The following NUP205 variants were observed in gnomAD, a reference collection of about 807,000 sequenced individuals.
The protein encoded by NUP205 is nuclear pore complex protein Nup205.
Under a neutral mutation model 253.8 loss-of-function variants are expected in NUP205, and 76 were observed. That is an observed-to-expected ratio of 0.30 (90% CI 0.25 to 0.36). NUP205 has a LOEUF of 0.36. Ranked by LOEUF, NUP205 falls within the 10% of genes least tolerant of loss-of-function variation. NUP205 has a pLI of 1.00. For synonymous variants in NUP205, 832 were observed against 850.1 expected (o/e 0.98, Z 0.37); for missense variants, 2,162 against 2,425.5 (o/e 0.89, Z 2.28).
Position 135,636,683 on chromosome 7 carries a change from A to T in NUP205, c.5136+1026A>T, listed in dbSNP as rs1333591462. On this transcript the variant is annotated intron_variant, in intron 36 of 42. Coordinates refer to ENST00000285968, the MANE Select transcript of NUP205 (RefSeq NM_015135.3). ...TATTTTGGCAAAATAAGTTTATATT[A>T]TAGTCTCATTAATATGTTTTGCCTT... Among the ~76,000 whole-genome samples, 3 of 152,108 alleles carry T rather than the reference A, an allele frequency of 2.0e-5. No individual in the cohort carries two copies. In the East Asian group the frequency reaches 5.8e-4, roughly 30 times the overall value.
chr7:135,577,127 A>G lies in NUP205; in HGVS notation c.647A>G (p.Glu216Gly). ...RGLGSEKHRK[E>G]VSDLIKECRQ... ...TTGGGCAGTGAAAAACATCGCAAAG[A>G]GGCAAGGGTTCAATGAAATCAATTC... Residue 216 changes from glutamate (E) to glycine (G), a missense_variant and splice_region_variant, in exon 5 of 43, where the codon GAG becomes GGG. Glu to Gly is a moderately conservative substitution (Grantham distance 98). Around this residue, in one of 5 missense-constraint regions of NUP205, gnomAD observed 892 missense variants for 957.1 expected, o/e 0.93. Transcript: ENST00000285968. 6.2e-7 allele frequency: 1 copy of G among 1,608,984 alleles called. No homozygotes were observed. Among genetic ancestry groups the G allele is most frequent in the Non-Finnish European group, 8.5e-7 (1 of 1,178,272 alleles).
intron 1 of NUP205, among the ~76,000 whole-genome samples, chr7:135,570,031 A>T (rs767323084): frequency 4.7e-3 from 276 of 58,862 alleles, no homozygotes; most frequent in Admixed American, 0.011. Context: ...TTTATGTTTT[A>T]TATATATATA....
chr7:135,631,178 T>C (rs937847422), intron 35 of NUP205, among the ~76,000 whole-genome samples: 1 of 152,072 alleles, frequency 6.6e-6, no homozygotes, highest in Admixed American at 6.5e-5. Flanking sequence ...AAAACAAATA[T>C]TTAATTTTAC....
chr7:135,628,470 G>A (rs1374728977), intron 34 of NUP205, among the ~76,000 whole-genome samples: 1 of 152,208 alleles, frequency 6.6e-6, no homozygotes. Context: ...TGCAGGCTGG[G>A]CATGGTGGCT....
chr7:135,630,946 T>TC (rs1794700678), intron 35 of NUP205, among the ~76,000 whole-genome samples: 3 of 151,864 alleles, frequency 2.0e-5, no homozygotes, highest in African/African-American at 7.3e-5. Flanking sequence ...TGTTTTTTTT[T>TC]TTTAAGATAT....
chr7:135,615,719 A>G (rs1794341718), intron 23 of NUP205, among the ~76,000 whole-genome samples, 197 bp from the exon 24 acceptor site: 1 of 152,132 alleles, frequency 6.6e-6, no homozygotes, highest in East Asian at 1.9e-4. Context: ...GTAAATTTAT[A>G]CTAGCTTATT....
chr7:135,624,622 C>T (rs1373737087), intron 31 of NUP205, among the ~76,000 whole-genome samples: 5 of 152,044 alleles, frequency 3.3e-5, no homozygotes, highest in Non-Finnish European at 7.4e-5. Flanking sequence ...CGTGATCCAC[C>T]CGCCTTGGCC....
At chr7:135,619,026 C>G (rs975893801) in intron 28 of NUP205, among the ~76,000 whole-genome samples, 2 of 151,890 alleles carry the variant, frequency 1.3e-5, no homozygotes, top group African/African-American at 4.8e-5. Flanking sequence ...TTCTGTATTC[C>G]ATTCTTATAT....
At chr7:135,587,181 G>T (rs1025396402) in intron 8 of NUP205, among the ~76,000 whole-genome samples, 1 of 151,912 alleles carries the variant, frequency 6.6e-6, no homozygotes, top group African/African-American at 2.4e-5. Context: ...AAATGAGTGG[G>T]GCCAGTTTTG....
chr7:135,643,985 A>T (rs1206815747), intron 39 of NUP205, among the ~76,000 whole-genome samples: 1 of 152,206 alleles, frequency 6.6e-6, no homozygotes, highest in Non-Finnish European at 1.5e-5. Context: ...GGTTTGCACC[A>T]AGTTTTCTAA....
In NUP205 at chr7:135,628,074, C is replaced by A; in HGVS notation, c.4895C>A (p.Thr1632Lys). 1 of 1,610,428 alleles carries A rather than the reference C, an allele frequency of 6.2e-7. No individual in the cohort carries two copies. Among genetic ancestry groups the A allele is most frequent in the Admixed American group, 1.7e-5 (1 of 59,344 alleles). The change falls in exon 34 of 43, where the codon ACA becomes AAA. Residue 1632 changes from threonine (T) to lysine (K), a missense_variant. Physicochemically the swap from Thr to Lys is moderately conservative, Grantham distance 78 (BLOSUM62 -1). Coordinates refer to ENST00000285968, the MANE Select transcript of NUP205 (RefSeq NM_015135.3). ...CTCCAGCTGTGCCAGGTCATCCTCA[C>A]ATCTAGTATGGCCCAGCACTTGCAG... is the stretch of plus-strand genomic sequence containing the variant. ...PALQLCQVIL[T>K]SSMAQHLQAA...
intron 1 of NUP205, among the ~76,000 whole-genome samples, chr7:135,560,916 C>G (rs940864284): frequency 1.3e-5 from 2 of 152,142 alleles, no homozygotes; most frequent in African/African-American, 4.8e-5. Flanking sequence ...TGTGAATACA[C>G]TGAACACTGC....
intron 5 of NUP205, 116 bp from the exon 6 acceptor site, chr7:135,577,680 C>A: frequency 1.4e-6 from 1 of 700,920 alleles, no homozygotes; most frequent in South Asian, 1.9e-5. Context: ...CTTAGGATCA[C>A]TTGTGGATTT....
chr7:135,584,908 G>C lies in NUP205; in HGVS notation c.1119G>C (p.Met373Ile). ...CTGACAACGTTTTCCTGTTCCTCAT[G>C]GAATCTGTAGTGGTATCAGAATACT... ...AIADNVFLFL[M>I]ESVVVSEYFY... The change falls in exon 8 of 43, where the codon ATG (methionine) becomes ATC (isoleucine). Residue 373 changes from methionine (M) to isoleucine (I), a missense_variant. By Grantham distance (10) the Met-to-Ile change is conservative (BLOSUM62 1). Transcript: ENST00000285968. The C allele has an allele frequency of 6.2e-7, 1 of 1,613,720 alleles. No individual in the cohort carries two copies. Among genetic ancestry groups the C allele is most frequent in the Non-Finnish European group, 8.5e-7 (1 of 1,179,686 alleles).
chr7:135,600,757 G>A (rs1295625210), intron 15 of NUP205, 113 bp from the exon 16 acceptor site: 2 of 553,098 alleles, frequency 3.6e-6, no homozygotes, highest in Non-Finnish European at 6.5e-6. Context: ...GAATAAAGTG[G>A]ACAAGAAACT....
At chr7:135,626,968 G>A (rs973845029) in intron 33 of NUP205, among the ~76,000 whole-genome samples, 2 of 152,196 alleles carry the variant, frequency 1.3e-5, no homozygotes, top group South Asian at 2.1e-4. Context: ...CAACTTGAAT[G>A]TTTGGATTTT....
At chr7:135,567,958 G>T (rs1176615930) in intron 1 of NUP205, among the ~76,000 whole-genome samples, 2 of 152,194 alleles carry the variant, frequency 1.3e-5, no homozygotes, top group African/African-American at 4.8e-5. Context: ...GGGCGCCGTG[G>T]CTCATGCCAG....
At chr7:135,631,102 A>C (rs1228860519) in intron 35 of NUP205, among the ~76,000 whole-genome samples, 3 of 152,196 alleles carry the variant, frequency 2.0e-5, no homozygotes, top group Admixed American at 1.3e-4. Flanking sequence ...AGAGAGAGAA[A>C]GAAAGCAACA....
Position 135,645,492 on chromosome 7 carries a change from T to G in NUP205, c.5708T>G (p.Ile1903Ser). 6.2e-7 allele frequency: 1 copy of G among 1,614,046 alleles called. No homozygotes were observed. The highest frequency in any genetic ancestry group is 8.5e-7 in the Non-Finnish European group (1 of 1,179,914). The change falls in exon 41 of 43, where the codon ATT (isoleucine) becomes AGT (serine). Residue 1903 changes from isoleucine (I) to serine (S), a missense_variant. By Grantham distance (142) the Ile-to-Ser change is moderately radical. This residue lies in a region of NUP205 where 1,144 missense variants were observed against 1,280.9 expected (regional missense o/e 0.89). Coordinates refer to ENST00000285968, the MANE Select transcript of NUP205 (RefSeq NM_015135.3). ...CSFIIETCLF[I>S]LWRHLEYYLL... ...GTTATCATAGAGACCTGCCTATTTATTCTTTGGCGCCATCTGGAGTACTAC... is the reference window on the plus strand; with the variant it reads ...GTTATCATAGAGACCTGCCTATTTAGTCTTTGGCGCCATCTGGAGTACTAC...
Sources: allele counts gnomAD v4.1 joint callset (sites outside exome capture counted in the v4.1 genomes callset), GRCh38; gene constraint gnomAD v4.1.1; regional missense constraint gnomAD v4.1.1; transcripts MANE v1.5; gene names NCBI Gene and HGNC (gene_info 2026-07-23, HGNC 2026-07-21).